The following SMYD3 variants were observed in gnomAD, a reference collection of about 807,000 sequenced individuals.
SMYD3 encodes SET and MYND domain containing 3.
A neutral mutation model predicts 57.7 loss-of-function variants in SMYD3; 36 were observed. The ratio of observed to expected loss-of-function variants is 0.62; its 90% CI spans 0.48 to 0.82. The LOEUF (loss-of-function observed/expected upper bound fraction) is 0.82. Among genes scored for constraint, SMYD3 ranks in the 40% least tolerant of loss-of-function variants. The pLI is 0.00. For missense variants in SMYD3, 515 were observed against 538.8 expected (o/e 0.96, Z 0.44); for synonymous variants, 211 against 195.0 (o/e 1.08, Z -0.68).
chr1:246,168,591 C>A (rs1398295811), intron 5 of SMYD3, among the ~76,000 whole-genome samples: 1 of 152,154 alleles, frequency 6.6e-6, no homozygotes, highest in African/African-American at 2.4e-5. Context: ...GAATGGAGAA[C>A]GTTTACAAGC....
At chr1:246,057,980 C>T (rs2060181631) in intron 5 of SMYD3, among the ~76,000 whole-genome samples, 2 of 152,136 alleles carry the variant, frequency 1.3e-5, no homozygotes, top group East Asian at 3.8e-4. Flanking sequence ...ATGCATACTA[C>T]TAAGCGAAAG....
intron 8 of SMYD3, among the ~76,000 whole-genome samples, chr1:245,910,764 T>C (rs1011795412): frequency 1.3e-5 from 2 of 152,030 alleles, no homozygotes; most frequent in African/African-American, 4.8e-5. Context: ...ACAGCTTAAA[T>C]ATTTGAATAT....
intron 4 of SMYD3, 46 bp from the exon 5 acceptor site, chr1:246,327,383 T>C (rs763676773): frequency 1.9e-6 from 3 of 1,551,174 alleles, no homozygotes; most frequent in Admixed American, 3.8e-5. Context: ...AGTAAACTTC[T>C]GAAGGATAAT....
At chr1:245,926,635 T>TG (rs1401681836) in intron 7 of SMYD3, among the ~76,000 whole-genome samples, 1 of 152,224 alleles carries the variant, frequency 6.6e-6, no homozygotes, top group Non-Finnish European at 1.5e-5. Flanking sequence ...CACGGGAGAA[T>TG]GACTGGCAGC....
chr1:246,488,224 T>C (rs2068216837), intron 1 of SMYD3, among the ~76,000 whole-genome samples: 1 of 152,252 alleles, frequency 6.6e-6, no homozygotes, highest in Non-Finnish European at 1.5e-5. Flanking sequence ...AATAGACTTC[T>C]AGAATCATCT....
At chr1:246,237,522 A>AT (rs2063531806) in intron 5 of SMYD3, among the ~76,000 whole-genome samples, 2 of 151,466 alleles carry the variant, frequency 1.3e-5, no homozygotes, top group African/African-American at 4.9e-5. Flanking sequence ...TTTTAGTCCT[A>AT]ATTCTGCCAC....
At chr1:246,376,014 G>A (rs1340030813) in intron 1 of SMYD3, among the ~76,000 whole-genome samples, 3 of 152,024 alleles carry the variant, frequency 2.0e-5, no homozygotes, top group Admixed American at 2.0e-4. Context: ...ACAGGCATCA[G>A]CCACCACACT....
At chr1:246,156,095 A>C (rs1423029480) in intron 5 of SMYD3, among the ~76,000 whole-genome samples, 1 of 151,764 alleles carries the variant, frequency 6.6e-6, no homozygotes, top group Non-Finnish European at 1.5e-5. Context: ...TGGAAGTTTG[A>C]CTTTGGCTCT....
At chr1:246,396,599 GCT>G (rs139499583) in intron 1 of SMYD3, among the ~76,000 whole-genome samples, 10,474 of 152,174 alleles carry the variant, frequency 0.069, 399 homozygotes, top group Middle Eastern at 0.19. Context: ...ATATGGTTTG[GCT>G]CTGTGTCCAC....
intron 10 of SMYD3, among the ~76,000 whole-genome samples, chr1:245,827,806 C>T (rs2049590016): frequency 6.6e-6 from 1 of 152,132 alleles, no homozygotes; most frequent in African/African-American, 2.4e-5. Context: ...AACTGAGACC[C>T]AGAGATGTGA....
intron 1 of SMYD3, among the ~76,000 whole-genome samples, chr1:246,431,335 A>G (rs1422595603): frequency 2.0e-5 from 3 of 152,226 alleles, no homozygotes; most frequent in Non-Finnish European, 4.4e-5. Flanking sequence ...ACTTTTTAAG[A>G]AAAAGAACCC....
chr1:246,491,352 A>G (rs1175032017), intron 1 of SMYD3, among the ~76,000 whole-genome samples: 1 of 152,194 alleles, frequency 6.6e-6, no homozygotes, highest in Non-Finnish European at 1.5e-5. Flanking sequence ...AGCCTGGCCA[A>G]CATGGCAAAA....
chr1:246,009,154 T>C (rs1409157102), intron 5 of SMYD3, among the ~76,000 whole-genome samples: 1 of 152,216 alleles, frequency 6.6e-6, no homozygotes, highest in Non-Finnish European at 1.5e-5. Flanking sequence ...CGTTGGGCCA[T>C]AATGTGAAAC....
At chr1:246,108,047 T>C (rs1407704258) in intron 5 of SMYD3, among the ~76,000 whole-genome samples, 2 of 152,306 alleles carry the variant, frequency 1.3e-5, no homozygotes, top group South Asian at 2.1e-4. Flanking sequence ...CCAGAGAAAC[T>C]TGGCCATAAA....
At chr1:246,183,839 T>TA (rs1206022936) in intron 5 of SMYD3, among the ~76,000 whole-genome samples, 1 of 152,140 alleles carries the variant, frequency 6.6e-6, no homozygotes, top group Non-Finnish European at 1.5e-5. Flanking sequence ...TAAAGTCCTA[T>TA]AAAAATGACA....
chr1:246,269,675 C>T (rs1157266386), intron 5 of SMYD3, among the ~76,000 whole-genome samples: 1 of 151,736 alleles, frequency 6.6e-6, no homozygotes, highest in East Asian at 1.9e-4. Context: ...CCCAAGCAAT[C>T]CTCCCACCTC....
At chr1:246,231,348 C>G (rs1168997773) in intron 5 of SMYD3, among the ~76,000 whole-genome samples, 1 of 152,132 alleles carries the variant, frequency 6.6e-6, no homozygotes, top group African/African-American at 2.4e-5. Context: ...CAGTAGATAT[C>G]AGCATCAGCA....
chr1:246,374,378 T>C (rs1410197430), intron 1 of SMYD3, among the ~76,000 whole-genome samples: 1 of 152,226 alleles, frequency 6.6e-6, no homozygotes, highest in Admixed American at 6.5e-5. Flanking sequence ...CAAAAATGTG[T>C]GTCGCCCAAT....
chr1:245,869,282 A>G (rs2052042533), intron 8 of SMYD3, among the ~76,000 whole-genome samples: 1 of 152,182 alleles, frequency 6.6e-6, no homozygotes, highest in Non-Finnish European at 1.5e-5. Flanking sequence ...ATTCCTAAGA[A>G]AGCTGACTTT....
Sources: gnomAD v4.1 joint callset for allele counts (sites outside exome capture counted in the v4.1 genomes callset) on GRCh38, gnomAD v4.1.1 for gene constraint, MANE v1.5 for transcripts, NCBI Gene and HGNC (gene_info 2026-07-23, HGNC 2026-07-21) for gene names.